Variants in CNTNAP5 observed in about 807,000 individuals in gnomAD.
The protein encoded by CNTNAP5 is contactin-associated protein-like 5.
A neutral mutation model predicts 150.2 loss-of-function variants in CNTNAP5; 72 were observed. The ratio of observed to expected loss-of-function variants is 0.48; its 90% CI spans 0.40 to 0.58. The LOEUF (loss-of-function observed/expected upper bound fraction) is 0.58, where lower values mean the gene tolerates loss of function less well. CNTNAP5 is among the 20% of genes least tolerant of loss of function. The probability of loss-of-function intolerance (pLI) is 0.00; values close to 1 mark genes in which losing one functional copy is unlikely to be tolerated. For synonymous variants in CNTNAP5, 672 were observed against 619.8 expected, an observed-to-expected ratio of 1.08 and a Z score of -1.25; for missense variants, 1,636 against 1,626.2, an observed-to-expected ratio of 1.01 and a Z score of -0.10.
chr2:124,362,015 G>A (rs1017946331), intron 3 of CNTNAP5, among the ~76,000 whole-genome samples: 66 of 152,326 alleles, frequency 4.3e-4, no homozygotes, highest in African/African-American at 1.1e-3. Flanking sequence ...CTTGTGGTGC[G>A]CCGTTTTTTA....
intron 13 of CNTNAP5, among the ~76,000 whole-genome samples, chr2:124,665,664 A>G (rs1356410258): frequency 6.6e-6 from 1 of 152,178 alleles, no homozygotes. Flanking sequence ...AGACCGGCAG[A>G]TCACAAGGTC....
At chr2:124,143,025 A>G (rs1684160819) in intron 1 of CNTNAP5, among the ~76,000 whole-genome samples, 1 of 57,252 alleles carries the variant, frequency 1.7e-5, no homozygotes. Context: ...CTACGCAAAT[A>G]AACTAGAAAA....
rs546036550 is a variant in CNTNAP5, at chr2:124,509,781, A to T, written c.1327+5225A>T. Among the ~76,000 whole-genome samples, 76 of 152,228 alleles carry T rather than the reference A, an allele frequency of 5.0e-4. 2 individuals are homozygous for T. Among genetic ancestry groups the T allele is most frequent in the African/African-American group, 1.7e-3 (71 of 41,562 alleles). On this transcript the variant is annotated intron_variant, in intron 8 of 23. Transcript: ENST00000682447. ...GATAATCTACAGAAGACTCTTAAGG[A>T]AAGTGGCTATTTAGGTCTAAAGCTG...
At chr2:124,773,730 C>G (rs991110322) in intron 17 of CNTNAP5, among the ~76,000 whole-genome samples, 2 of 152,036 alleles carry the variant, frequency 1.3e-5, no homozygotes, top group African/African-American at 4.8e-5. Flanking sequence ...GAATTGAGCA[C>G]TACCACTGCT....
At chr2:124,715,973 A>G (rs1679936065) in intron 13 of CNTNAP5, among the ~76,000 whole-genome samples, 1 of 152,172 alleles carries the variant, frequency 6.6e-6, no homozygotes, top group Admixed American at 6.6e-5. Context: ...GCGAGTGTAC[A>G]ACTCCTCTAA....
intron 19 of CNTNAP5, among the ~76,000 whole-genome samples, chr2:124,810,950 G>C (rs772335216): frequency 6.6e-6 from 1 of 152,130 alleles, no homozygotes; most frequent in Non-Finnish European, 1.5e-5. Context: ...AGAATGTTAA[G>C]AATTTTAAAG....
At chr2:124,663,359 A>C (rs770984773) in intron 13 of CNTNAP5, among the ~76,000 whole-genome samples, 25 of 152,244 alleles carry the variant, frequency 1.6e-4, no homozygotes, top group Non-Finnish European at 3.1e-4. Flanking sequence ...CTCAAAAGCT[A>C]TCTGAGTAAT....
chr2:124,887,039 T>A (rs1443084396), intron 21 of CNTNAP5, among the ~76,000 whole-genome samples: 1 of 152,012 alleles, frequency 6.6e-6, no homozygotes, highest in Non-Finnish European at 1.5e-5. Context: ...GAATTTGGAG[T>A]CTTATGCCAC....
chr2:124,231,579 A>C, intron 2 of CNTNAP5, among the ~76,000 whole-genome samples: 1 of 152,206 alleles, frequency 6.6e-6, no homozygotes, highest in East Asian at 1.9e-4. Flanking sequence ...TTTAACTAAA[A>C]TAATAGATTT....
intron 10 of CNTNAP5, among the ~76,000 whole-genome samples, chr2:124,559,711 G>T (rs190696014): frequency 6.6e-6 from 1 of 152,262 alleles, no homozygotes; most frequent in Admixed American, 6.5e-5. Context: ...CGTAGACAGA[G>T]AAAGAAACAA....
At chr2:124,195,756 A>C (rs990411209) in intron 1 of CNTNAP5, among the ~76,000 whole-genome samples, 2 of 152,120 alleles carry the variant, frequency 1.3e-5, no homozygotes, top group African/African-American at 4.8e-5. Context: ...TGTGGTGGGG[A>C]GTGATGAAAA....
chr2:124,707,700 C>T (rs936365314), intron 13 of CNTNAP5, among the ~76,000 whole-genome samples: 1 of 152,120 alleles, frequency 6.6e-6, no homozygotes, highest in Admixed American at 6.5e-5. Flanking sequence ...TGACATCTAA[C>T]AAACCTAACA....
chr2:124,537,391 C>T (rs926233372), intron 10 of CNTNAP5, among the ~76,000 whole-genome samples: 2 of 152,114 alleles, frequency 1.3e-5, no homozygotes, highest in African/African-American at 2.4e-5. Context: ...TGGAACACCT[C>T]GGTGCCTCAC....
chr2:124,496,556 A>G (rs1694152453), intron 7 of CNTNAP5, among the ~76,000 whole-genome samples: 1 of 152,226 alleles, frequency 6.6e-6, no homozygotes, highest in Non-Finnish European at 1.5e-5. Context: ...CCACAATGAA[A>G]AAGTTTTGTA....
intron 3 of CNTNAP5, among the ~76,000 whole-genome samples, chr2:124,252,055 C>T (rs886268902): frequency 1.3e-5 from 2 of 152,162 alleles, no homozygotes; most frequent in Non-Finnish European, 2.9e-5. Flanking sequence ...GACCCAAAGC[C>T]ATGTTCCTCT....
At chr2:124,889,303 T>G (rs1028041864) in intron 21 of CNTNAP5, among the ~76,000 whole-genome samples, 8 of 151,848 alleles carry the variant, frequency 5.3e-5, no homozygotes, top group African/African-American at 1.9e-4. Flanking sequence ...TTTCACCATG[T>G]TGGTCTCCAA....
At chr2:124,370,753 G>A (rs1690504186) in intron 3 of CNTNAP5, among the ~76,000 whole-genome samples, 1 of 152,130 alleles carries the variant, frequency 6.6e-6, no homozygotes, top group African/African-American at 2.4e-5. Flanking sequence ...GGGGACATAA[G>A]GGAGGAAAAT....
rs1356116718 is a variant in CNTNAP5, at chr2:124,333,223, C to T, written c.382-84220C>T. Reference sequence around the variant, plus strand: ...AGTTGAAGCTATAGTGAGCCGTGATCGCACCATGGCACTCCAACCTCGGCA... The same window carrying T: ...AGTTGAAGCTATAGTGAGCCGTGATTGCACCATGGCACTCCAACCTCGGCA... On this transcript the variant is annotated intron_variant, in intron 3 of 23. Coordinates refer to ENST00000682447, the MANE Select transcript of CNTNAP5 (RefSeq NM_001367498.1). 1.3e-4 allele frequency among the ~76,000 whole-genome samples: 20 copies of T among 151,928 alleles called. 1 individual carries two copies. The highest frequency in any genetic ancestry group is 3.4e-4 in the African/African-American group (14 of 41,368).
chr2:124,677,022 C>G (rs1678955866), intron 13 of CNTNAP5, among the ~76,000 whole-genome samples: 1 of 152,278 alleles, frequency 6.6e-6, no homozygotes, highest in East Asian at 1.9e-4. Flanking sequence ...GAATTGATTC[C>G]TTCTGGTGGG....
Sources: gnomAD v4.1 joint callset for allele counts (sites outside exome capture counted in the v4.1 genomes callset) on GRCh38, gnomAD v4.1.1 for gene constraint, MANE v1.5 for transcripts, NCBI Gene and HGNC (gene_info 2026-07-23, HGNC 2026-07-21) for gene names.